The following ORC5 variants were observed in gnomAD, a reference collection of about 807,000 sequenced individuals.
ORC5 encodes the protein origin recognition complex subunit 5, also known as protein phosphatase 1, regulatory subunit 117.
A neutral mutation model predicts 58.8 loss-of-function variants in ORC5; 39 were observed. The observed-to-expected ratio is 0.66, with a 90% CI of 0.51 to 0.87. ORC5 has a LOEUF of 0.87. ORC5 is among the 40% of genes least tolerant of loss of function. The pLI is 0.00. For missense variants in ORC5, 493 were observed against 506.3 expected (o/e 0.97, Z 0.25); for synonymous variants, 218 against 177.6 (o/e 1.23, Z -1.81).
chr7:104,169,197 A>G (rs1187013391), intron 8 of ORC5, among the ~76,000 whole-genome samples: 2 of 152,194 alleles, frequency 1.3e-5, no homozygotes, highest in African/African-American at 4.8e-5. Context: ...TAAACTCTAT[A>G]GCAATCCCTC....
At chr7:104,162,551 G>T (rs1348956699) in intron 11 of ORC5, among the ~76,000 whole-genome samples, 4 of 152,200 alleles carry the variant, frequency 2.6e-5, no homozygotes, top group Non-Finnish European at 5.9e-5. Context: ...AAACAAGAAT[G>T]AATGTAAAGA....
intron 1 of ORC5, among the ~76,000 whole-genome samples, chr7:104,205,479 G>A (rs565952939): frequency 1.2e-4 from 18 of 151,904 alleles, no homozygotes; most frequent in East Asian, 3.9e-4. Flanking sequence ...AATTATCATC[G>A]ATTACAGCAA....
intron 11 of ORC5, among the ~76,000 whole-genome samples, chr7:104,164,854 A>C (rs1278647140): frequency 6.6e-6 from 1 of 152,160 alleles, no homozygotes; most frequent in Non-Finnish European, 1.5e-5. Context: ...ATGCAATTGC[A>C]AATTCTGGGG....
intron 12 of ORC5, among the ~76,000 whole-genome samples, chr7:104,156,580 A>G (rs1387312726): frequency 1.3e-5 from 2 of 151,832 alleles, no homozygotes; most frequent in Admixed American, 1.3e-4. Flanking sequence ...CTGAATGTCT[A>G]TATCATACAT....
At chr7:104,192,342 G>C (rs930735908) in intron 5 of ORC5, among the ~76,000 whole-genome samples, 1 of 152,118 alleles carries the variant, frequency 6.6e-6, no homozygotes, top group African/African-American at 2.4e-5. Context: ...AATTATTGGA[G>C]AGCTATATGT....
chr7:104,131,878 G>GA (rs990386980), intron 13 of ORC5, among the ~76,000 whole-genome samples: 15 of 148,214 alleles, frequency 1.0e-4, no homozygotes, highest in South Asian at 2.1e-4. Flanking sequence ...AAAGAAAAAA[G>GA]AAAAAAAAAT....
chr7:104,171,255 T>C (rs940208430), intron 8 of ORC5, among the ~76,000 whole-genome samples: 1 of 152,220 alleles, frequency 6.6e-6, no homozygotes, highest in Non-Finnish European at 1.5e-5. Context: ...CTAAACTGTT[T>C]TATTCACATT....
chr7:104,183,913 A>G, intron 8 of ORC5, 30 bp downstream of exon 8: 1 of 1,383,326 alleles, frequency 7.2e-7, no homozygotes, highest in Non-Finnish European at 1.0e-6. Flanking sequence ...AAGATATAAA[A>G]ACTAGTATGC....
rs1056393207 is a variant in ORC5 at position 104,178,066 on chromosome 7, A to G, written c.824+5877T>C. 9.2e-5 allele frequency among the ~76,000 whole-genome samples: 14 copies of G among 152,320 alleles called. No homozygotes were observed. In the East Asian group the frequency reaches 2.3e-3, roughly 25 times the overall value. On this transcript the variant is annotated intron_variant, in intron 8 of 13. Coordinates refer to ENST00000297431, the MANE Select transcript of ORC5 (RefSeq NM_002553.4). ...TTGTCTTTATAGTAGAATGATTTACAATCCTTTGGGTATGTACCCAGTAAT... is the reference window on the plus strand; with the variant it reads ...TTGTCTTTATAGTAGAATGATTTACGATCCTTTGGGTATGTACCCAGTAAT...
At position 104,149,637 on chromosome 7, in the gene ORC5, T is replaced by C. The variant is rs572232749; in HGVS notation, c.1149+11435A>G. Among the ~76,000 whole-genome samples, 52 of 152,298 alleles carry C rather than the reference T, an allele frequency of 3.4e-4. No individual in the cohort carries two copies. In the South Asian group the frequency reaches 9.9e-3, roughly 29 times the overall value. ...CTGATGTTTTTCCTCAAAATAAAAATTGTTATTTTTTTGTCCTCCTCAGTT... is the reference window on the plus strand; with the variant it reads ...CTGATGTTTTTCCTCAAAATAAAAACTGTTATTTTTTTGTCCTCCTCAGTT... On this transcript the variant is annotated intron_variant, in intron 12 of 13. Transcript: ENST00000297431.
chr7:104,177,110 T>C (rs954351530), intron 8 of ORC5, among the ~76,000 whole-genome samples: 4 of 152,182 alleles, frequency 2.6e-5, no homozygotes, highest in African/African-American at 7.2e-5. Context: ...TGGAAATAGC[T>C]TGAACTAATG....
chr7:104,157,461 T>C (rs1798945509), intron 12 of ORC5, among the ~76,000 whole-genome samples: 1 of 152,054 alleles, frequency 6.6e-6, no homozygotes, highest in Admixed American at 6.6e-5. Context: ...TTAGAAGAGA[T>C]AAAGAATAAA....
At chr7:104,130,031 T>C (rs932896134) in intron 13 of ORC5, among the ~76,000 whole-genome samples, 2 of 152,332 alleles carry the variant, frequency 1.3e-5, no homozygotes, top group Non-Finnish European at 2.9e-5. Flanking sequence ...CCTTTTACTT[T>C]TGTGGGCAGT....
intron 5 of ORC5, among the ~76,000 whole-genome samples, chr7:104,194,338 G>T (rs1799748286): frequency 6.6e-6 from 1 of 152,088 alleles, no homozygotes; most frequent in South Asian, 2.1e-4. Context: ...AGTTCAGAGG[G>T]ATAGTGTTAA....
At position 104,136,095 on chromosome 7, in the gene ORC5, C is replaced by T. The variant is rs1304008999; in HGVS notation, c.1262+686G>A. Among the ~76,000 whole-genome samples, 1 of 152,088 alleles carries T rather than the reference C, an allele frequency of 6.6e-6. No homozygotes were observed. The highest frequency in any genetic ancestry group is 1.5e-5 in the Non-Finnish European group (1 of 68,026). On this transcript the variant is annotated intron_variant, in intron 13 of 13. Transcript: ENST00000297431. This position sits in a 1 kb window ranked among gnomAD's most constrained non-coding sequence, Gnocchi z 4.2. The stretch of plus-strand genomic sequence containing the variant: ...CATTTTGACAAATGTACTTTCTTCC[C>T]CAGAACTTCTAACATTCTAGAATTA...
chr7:104,173,885 C>T (rs1235313617), intron 8 of ORC5, among the ~76,000 whole-genome samples: 1 of 134,746 alleles, frequency 7.4e-6, no homozygotes, highest in East Asian at 2.2e-4. Context: ...CGCTCTGTCG[C>T]CCAGGCTGGA....
chr7:104,204,861 TAGAGA>T (rs1218150540), intron 1 of ORC5, among the ~76,000 whole-genome samples: 4 of 152,260 alleles, frequency 2.6e-5, no homozygotes, highest in Middle Eastern at 6.8e-3. Context: ...GTTAGCAGCT[TAGAGA>T]AAAGTAAATA....
chr7:104,184,369 G>C, intron 6 of ORC5, 198 bp from the exon 7 acceptor site: 1 of 560,760 alleles, frequency 1.8e-6, no homozygotes, highest in Non-Finnish European at 3.1e-6. Context: ...GATTGCTTGA[G>C]CCCAGGAGAT....
At chr7:104,199,404 G>A (rs530502911) in intron 3 of ORC5, among the ~76,000 whole-genome samples, 3 of 152,286 alleles carry the variant, frequency 2.0e-5, no homozygotes, top group Admixed American at 6.5e-5. Context: ...GTGAGGCATG[G>A]AGCCACAGAG....
Sources: gnomAD v4.1 joint callset for allele counts (sites outside exome capture counted in the v4.1 genomes callset) on GRCh38, gnomAD v4.1.1 for gene constraint, Gnocchi (gnomAD v3.1) non-coding constraint, MANE v1.5 for transcripts, NCBI Gene and HGNC (gene_info 2026-07-23, HGNC 2026-07-21) for gene names.